The following SMG6 variants were observed in gnomAD, a reference collection of about 807,000 sequenced individuals.
SMG6 encodes telomerase-binding protein EST1A.
In SMG6, 66 loss-of-function variants were observed where a neutral mutation model predicts 142.2. That is an observed-to-expected ratio of 0.46 (90% confidence interval 0.38 to 0.57). The LOEUF (loss-of-function observed/expected upper bound fraction) is 0.57, where lower values mean the gene tolerates loss of function less well. Ranked by LOEUF, SMG6 falls within the 20% of genes least tolerant of loss-of-function variation. The pLI, the probability that SMG6 is intolerant of heterozygous loss-of-function variation, is 0.00. For missense variants in SMG6, 1,793 were observed against 1,832.0 expected (o/e 0.98, Z 0.39); for synonymous variants, 779 against 702.4 (o/e 1.11, Z -1.72).
intron 13 of SMG6, among the ~76,000 whole-genome samples, chr17:2,121,454 T>C (rs1001767228): frequency 3.3e-5 from 5 of 152,064 alleles, no homozygotes; most frequent in Admixed American, 3.3e-4. Context: ...AATAGGCAAA[T>C]CTAATCTTGG....
chr17:2,237,374 T>C (rs216215), intron 9 of SMG6: 108,054 of 380,774 alleles, frequency 0.28, 16,094 homozygotes, highest in East Asian at 0.59. Context: ...GGCCTAAAGA[T>C]ATTTTACCCA....
At position 2,277,132 on chromosome 17, in the gene SMG6, CATTT is replaced by C. The variant is rs3054906; in HGVS notation, c.2661+5511_2661+5514del. Among the ~76,000 whole-genome samples the C allele has an allele frequency of 0.046, 6,161 of 133,750 alleles. 775 individuals carry two copies. In the East Asian group the frequency reaches 0.51, roughly 11 times the overall value. 87.7% of individuals were successfully genotyped at this position (133,750 alleles called of 152,430 possible). A position where few individuals can be genotyped will look rare whatever the true frequency, so the allele number is the denominator to read the frequency against. ...TGCTATGTTTAATGTAGTATTTACA[CATTT>C]ATTTATTTATTTATTTATTTATTTA... On this transcript the variant is annotated intron_variant, in intron 8 of 18. Transcript: ENST00000263073.
chr17:2,291,253 C>G lies in SMG6; in HGVS notation c.2337+1299G>C, dbSNP rs373269857. Reference sequence around the variant, plus strand: ...GGCTGAGGCAGGAGAATGGCGTGAACCCGGGAGGCGGAGCTTGCCGTGAGC... The same window carrying G: ...GGCTGAGGCAGGAGAATGGCGTGAAGCCGGGAGGCGGAGCTTGCCGTGAGC... On this transcript the variant is annotated intron_variant, in intron 6 of 18. Coordinates refer to ENST00000263073, the MANE Select transcript of SMG6 (RefSeq NM_017575.5). Among the ~76,000 whole-genome samples the G allele has an allele frequency of 2.0e-3, 305 of 152,012 alleles. 4 individuals carry two copies. The East Asian group carries it at 0.028, about 14-fold the overall frequency.
intron 13 of SMG6, among the ~76,000 whole-genome samples, chr17:2,103,462 A>G (rs943735116): frequency 2.2e-4 from 34 of 152,216 alleles, no homozygotes; most frequent in African/African-American, 6.5e-4. Context: ...CTCTGGCCAC[A>G]GAGCAGAGGA....
intron 15 of SMG6, among the ~76,000 whole-genome samples, chr17:2,069,775 C>T (rs770470916): frequency 5.9e-5 from 9 of 152,214 alleles, no homozygotes; most frequent in Non-Finnish European, 1.2e-4. Flanking sequence ...CCAGGTCGAT[C>T]ACAATGGCCC....
At chr17:2,271,030 T>C (rs1169250079) in intron 8 of SMG6, among the ~76,000 whole-genome samples, 5 of 151,896 alleles carry the variant, frequency 3.3e-5, no homozygotes, top group African/African-American at 7.3e-5. Context: ...CCAGGCGTGG[T>C]AGCTCACACC....
intron 13 of SMG6, among the ~76,000 whole-genome samples, chr17:2,171,419 A>G (rs891632689): frequency 6.6e-6 from 1 of 151,984 alleles, no homozygotes; most frequent in South Asian, 2.1e-4. Context: ...GATCAGCAAA[A>G]TAACAGTGCT....
chr17:2,205,769 C>G (rs2072659353), intron 10 of SMG6, among the ~76,000 whole-genome samples: 1 of 152,088 alleles, frequency 6.6e-6, no homozygotes, highest in African/African-American at 2.4e-5. Flanking sequence ...AAAAAGTGAA[C>G]AATAACCTTA....
At chr17:2,230,096 G>A (rs1369057129) in intron 10 of SMG6, among the ~76,000 whole-genome samples, 2 of 146,174 alleles carry the variant, frequency 1.4e-5, no homozygotes, top group Admixed American at 7.0e-5. Context: ...TGAGGCATGG[G>A]AATCGCTTGA....
At chr17:2,231,398 C>T (rs148525498) in intron 10 of SMG6, among the ~76,000 whole-genome samples, 2 of 152,206 alleles carry the variant, frequency 1.3e-5, no homozygotes, top group East Asian at 3.9e-4. Flanking sequence ...TTACTAACAC[C>T]ATTCAAAGCA....
Position 2,085,975 on chromosome 17 carries a change from G to A in SMG6, c.3358-74C>T. 1.4e-6 allele frequency: 2 copies of A among 1,463,758 alleles called. No homozygotes were observed. The highest frequency in any genetic ancestry group is 4.5e-5 in the East Asian group (2 of 44,146). 90.7% of individuals were successfully genotyped at this position (1,463,758 alleles called of 1,614,324 possible). Reference sequence around the variant, plus strand: ...GATGGAGACGAGATGTTGCTTGCCGGCTGAGGGGCACAGGGGAACTGTGTC... The same window carrying A: ...GATGGAGACGAGATGTTGCTTGCCGACTGAGGGGCACAGGGGAACTGTGTC... On this transcript the variant is annotated intron_variant, in intron 13 of 18. Transcript: ENST00000263073. This position sits in a 1 kb window ranked among gnomAD's most constrained non-coding sequence, Gnocchi z 4.1.
chr17:2,158,513 C>CA (rs1444780094), intron 13 of SMG6, among the ~76,000 whole-genome samples: 2 of 152,088 alleles, frequency 1.3e-5, no homozygotes, highest in African/African-American at 2.4e-5. Context: ...AATGATATCA[C>CA]AAAAAATAGC....
intron 8 of SMG6, among the ~76,000 whole-genome samples, chr17:2,281,176 G>A (rs1449191405): frequency 6.6e-6 from 1 of 152,048 alleles, no homozygotes; most frequent in Non-Finnish European, 1.5e-5. Context: ...GTCTTGCTCT[G>A]GCACCTACGC....
In SMG6 at chr17:2,300,327, G is replaced by A. The variant is rs756764176; in HGVS notation, c.426C>T (p.Asp142=). 6.2e-7 allele frequency: 1 copy of A among 1,613,942 alleles called. No homozygotes were observed. The highest frequency in any genetic ancestry group is 8.5e-7 in the Non-Finnish European group (1 of 1,180,028). ...LKIIKRTKKP[D]LQIYQPGRRL... is the part of the protein sequence containing the mutation. ...GTCGTCCAGGCTGATAGATCTGCAG[G>A]TCGGGTTTCTTTGTTCTTTTGATAA... The change falls in exon 2 of 19, where the codon GAC becomes GAT. Residue 142 remains aspartate, a synonymous_variant. Coordinates refer to ENST00000263073, the MANE Select transcript of SMG6 (RefSeq NM_017575.5).
At chr17:2,255,633 T>A (rs2074157478) in intron 8 of SMG6, 1 of 162,530 alleles carries the variant, frequency 6.2e-6, no homozygotes, top group Non-Finnish European at 1.3e-5. Flanking sequence ...GGCCGCCCCT[T>A]CTGGGAAGTG....
At position 2,300,329 on chromosome 17, in the gene SMG6, C is replaced by T. The variant is rs368259584; in HGVS notation, c.424G>A (p.Asp142Asn). Residue 142 changes from aspartate (D) to asparagine (N), a missense_variant, in exon 2 of 19, where the codon GAC becomes AAC. Coordinates refer to ENST00000263073, the MANE Select transcript of SMG6 (RefSeq NM_017575.5). ...CGTCCAGGCTGATAGATCTGCAGGTCGGGTTTCTTTGTTCTTTTGATAATT... is the reference window on the plus strand; with the variant it reads ...CGTCCAGGCTGATAGATCTGCAGGTTGGGTTTCTTTGTTCTTTTGATAATT... ...LKIIKRTKKP[D>N]LQIYQPGRRL... 6.8e-6 allele frequency: 11 copies of T among 1,613,888 alleles called. No homozygotes were observed. The highest frequency in any genetic ancestry group is 1.6e-4 in the Middle Eastern group (1 of 6,062).
chr17:2,218,010 AAAAAACAAAAAC>A (rs2073066111), intron 10 of SMG6, among the ~76,000 whole-genome samples: 1 of 139,018 alleles, frequency 7.2e-6, no homozygotes, highest in Non-Finnish European at 1.6e-5. Flanking sequence ...ACTCGGTCTC[AAAAAACAAAAAC>A]AAAAACAAAA....
Position 2,124,197 on chromosome 17 carries a change from T to C in SMG6, c.3358-38296A>G, listed in dbSNP as rs145189162. On this transcript the variant is annotated intron_variant, in intron 13 of 18. Coordinates refer to ENST00000263073, the MANE Select transcript of SMG6 (RefSeq NM_017575.5). ...CACCCAAGTGGTTGGCAGAGGCATT[T>C]TGGTAGTGCGGTGACAGATCAACTG... is the stretch of plus-strand genomic sequence containing the variant. Among the ~76,000 whole-genome samples the C allele has an allele frequency of 6.0e-4, 91 of 152,268 alleles. 1 individual carries two copies. In the East Asian group the frequency reaches 0.015, roughly 26 times the overall value.
At chr17:2,073,972 G>A (rs1235596820) in intron 15 of SMG6, among the ~76,000 whole-genome samples, 4 of 151,812 alleles carry the variant, frequency 2.6e-5, no homozygotes, top group African/African-American at 7.3e-5. Context: ...CCAGCTACTC[G>A]GGAGGCTGAG....
Sources: allele counts gnomAD v4.1 joint callset (sites outside exome capture counted in the v4.1 genomes callset), GRCh38; gene constraint gnomAD v4.1.1; non-coding constraint Gnocchi (gnomAD v3.1); transcripts MANE v1.5; gene names NCBI Gene and HGNC (gene_info 2026-07-23, HGNC 2026-07-21).